The following RAPGEF3 variants were observed in gnomAD, a reference collection of about 807,000 sequenced individuals.
RAPGEF3 encodes Rap guanine nucleotide exchange factor 3.
RAPGEF3 carries 103 observed loss-of-function variants against 129.8 expected under a neutral mutation model. The observed-to-expected ratio is 0.79, with a 90% CI of 0.68 to 0.93. The LOEUF (loss-of-function observed/expected upper bound fraction) is 0.93, where lower values mean the gene tolerates loss of function less well. Among genes scored for constraint, RAPGEF3 ranks in the 40% least tolerant of loss-of-function variants. RAPGEF3 has a pLI of 0.00. For missense variants in RAPGEF3, 1,117 were observed against 1,207.4 expected (o/e 0.93, Z 1.11); for synonymous variants, 436 against 482.6 (o/e 0.90, Z 1.26).
Position 47,751,565 on chromosome 12 carries a change from G to A in RAPGEF3, c.381-45C>T, listed in dbSNP as rs765573049. 2.5e-6 allele frequency: 4 copies of A among 1,612,542 alleles called. No homozygotes were observed. In the East Asian group the frequency reaches 8.9e-5, roughly 36 times the overall value. On this transcript the variant is annotated intron_variant, in intron 4 of 27. Coordinates refer to ENST00000449771, the MANE Select transcript of RAPGEF3 (RefSeq NM_001098531.4). ...ACAGGCCAGTGGAAGGAGGGTGGCA[G>A]GGAGAGGGAGGAACTATGCATTAGA...
chr12:47,748,710 C>T, intron 11 of RAPGEF3, 109 bp downstream of exon 11: 4 of 1,047,120 alleles, frequency 3.8e-6, no homozygotes, highest in Non-Finnish European at 5.9e-6. Context: ...CTCAATACCT[C>T]TCCATCCACA....
intron 2 of RAPGEF3, 59 bp from the exon 3 acceptor site, chr12:47,752,028 A>T: frequency 3.2e-6 from 5 of 1,565,340 alleles, no homozygotes; most frequent in Non-Finnish European, 4.4e-6. Flanking sequence ...CAGCTCTTGG[A>T]TACCTCCCCT....
At chr12:47,740,571 A>G in intron 21 of RAPGEF3, 71 bp downstream of exon 21, 1 of 1,562,424 alleles carries the variant, frequency 6.4e-7, no homozygotes, top group Non-Finnish European at 8.7e-7. Context: ...CATACTAAGC[A>G]AAGAGGGGGG....
rs978242246 is a variant in RAPGEF3 at position 47,743,756 on chromosome 12, ATGG to A, written c.1679-83_1679-81del. The stretch of plus-strand genomic sequence containing the variant: ...GAGGGAGAGGGCGGCTATTGCAGTA[ATGG>A]TGGGAGGGATCCCCAAGAGGCTGAG... On this transcript the variant is annotated intron_variant, in intron 17 of 27. Coordinates refer to ENST00000449771, the MANE Select transcript of RAPGEF3 (RefSeq NM_001098531.4). 5 of 1,541,618 alleles carry A rather than the reference ATGG, an allele frequency of 3.2e-6. No individual in the cohort carries two copies. The Admixed American group carries it at 9.0e-5, about 28-fold the overall frequency.
At position 47,740,178 on chromosome 12, in the gene RAPGEF3, T is replaced by C. The variant is rs779365075; in HGVS notation, c.2336A>G (p.Lys779Arg). 6.2e-7 allele frequency: 1 copy of C among 1,613,486 alleles called. No individual in the cohort carries two copies. Among genetic ancestry groups the C allele is most frequent in the South Asian group, 1.1e-5 (1 of 91,022 alleles). The change falls in exon 23 of 28, where the codon AAA becomes AGA. Residue 779 changes from lysine (K) to arginine (R), a missense_variant. Coordinates refer to ENST00000449771, the MANE Select transcript of RAPGEF3 (RefSeq NM_001098531.4). ...LAHTWERLPH[K>R]VRKLYSALER... is the part of the protein sequence containing the mutation. ...GAGGGCGGAGTACAGCTTCCGGACT[T>C]TGTGAGGCAGCCGCTGTGAAAAGGA...
chr12:47,751,142 T>C lies in RAPGEF3; in HGVS notation c.577A>G (p.Arg193Gly), dbSNP rs2016123. 1 allele frequency: 1,566,206 copies of C among 1,567,224 alleles called. 782,594 individuals carry two copies. The highest frequency in any genetic ancestry group is 1 in the Middle Eastern group (6,010 of 6,010). The change falls in exon 6 of 28, where the codon AGA becomes GGA. Residue 193 changes from arginine to glycine, a missense_variant. Physicochemically the swap from Arg to Gly is moderately radical, Grantham distance 125. Coordinates refer to ENST00000449771, the MANE Select transcript of RAPGEF3 (RefSeq NM_001098531.4). ...AACTCCTCCTCCATCTCATGAGTTC[T>C]CACGGGCTCGGGCTCGGGCCCGGGG... ...RFPGPEPEPV[R>G]THEMEEELAE...
In RAPGEF3 at chr12:47,751,391, G is replaced by A. The variant is rs573115390; in HGVS notation, c.502+8C>T. The A allele has an allele frequency of 2.9e-5, 47 of 1,613,704 alleles. No individual in the cohort carries two copies. In the East Asian group the frequency reaches 4.7e-4, roughly 16 times the overall value. On this transcript the variant is annotated splice_region_variant and intron_variant, in intron 5 of 27. Coordinates refer to ENST00000449771, the MANE Select transcript of RAPGEF3 (RefSeq NM_001098531.4). ...GCCCGGGGCACCCCACCCTGGGCTC[G>A]GGCTCACCATGGCAGAGGGCACCTT... is the stretch of plus-strand genomic sequence containing the variant.
At chr12:47,743,826 A>G (rs1592546655) in intron 17 of RAPGEF3, 150 bp from the exon 18 acceptor site, 4 of 1,360,616 alleles carry the variant, frequency 2.9e-6, no homozygotes, top group East Asian at 2.5e-5. Context: ...GGCAGGTAGG[A>G]GGCAGATCTA....
At chr12:47,741,720 G>A in intron 18 of RAPGEF3, 118 bp from the exon 19 acceptor site, 1 of 833,038 alleles carries the variant, frequency 1.2e-6, no homozygotes. Flanking sequence ...TAGTAGCGGG[G>A]TTGAAGTCCT....
chr12:47,751,472 T>A lies in RAPGEF3; in HGVS notation c.429A>T (p.Gly143=), dbSNP rs1240913253. Residue 143 remains glycine, a synonymous_variant, in exon 5 of 28, where the codon GGA becomes GGT. Transcript: ENST00000449771. ...RELVDGILAL[G]LGVHSRSQVV... is the part of the protein sequence containing the mutation. ...CTTGGCTCCGGGAATGGACCCCAAG[T>A]CCCAGGGCCAAGATCCCATCCACCA... The A allele has an allele frequency of 6.2e-7, 1 of 1,613,854 alleles. No homozygotes were observed. The highest frequency in any genetic ancestry group is 1.3e-5 in the African/African-American group (1 of 74,844).
At chr12:47,746,783 C>A in intron 16 of RAPGEF3, 77 bp downstream of exon 16, 1 of 1,449,088 alleles carries the variant, frequency 6.9e-7, no homozygotes, top group Non-Finnish European at 9.5e-7. Flanking sequence ...CCCACAGAGC[C>A]CCTCAGGGTC....
In RAPGEF3 at chr12:47,758,622, C is replaced by T; in HGVS notation, c.-66G>A. On this transcript the variant is annotated 5_prime_UTR_variant, in exon 1 of 28. Transcript: ENST00000449771. ...AAGGCTGGGGGGTCCCCAGCGACCC[C>T]CATCAGCTTTGATAAGGGGATCCGG... 1.9e-6 allele frequency: 3 copies of T among 1,608,228 alleles called. No homozygotes were observed. Among genetic ancestry groups the T allele is most frequent in the East Asian group, 2.2e-5 (1 of 44,794 alleles).
chr12:47,743,445 T>C (rs1168842550), intron 18 of RAPGEF3, 85 bp downstream of exon 18: 39 of 1,484,552 alleles, frequency 2.6e-5, no homozygotes, highest in Non-Finnish European at 3.3e-5. Flanking sequence ...AAGATGACAA[T>C]GATGACAATG....
chr12:47,753,883 CA>C (rs1241578569), intron 2 of RAPGEF3: 3 of 152,356 alleles, frequency 2.0e-5, no homozygotes, highest in African/African-American at 7.2e-5. Context: ...CCAGGTTGGT[CA>C]TTTCCTGTCC....
At position 47,751,164 on chromosome 12, in the gene RAPGEF3, G is replaced by A. The variant is rs375297238; in HGVS notation, c.555C>T (p.Pro185=). 9.2e-5 allele frequency: 143 copies of A among 1,555,416 alleles called. No homozygotes were observed. Among genetic ancestry groups the A allele is most frequent in the South Asian group, 8.8e-4 (74 of 84,360 alleles). The change falls in exon 6 of 28, where the codon CCC becomes CCT. Residue 185 remains proline (P), a synonymous_variant. Coordinates refer to ENST00000449771, the MANE Select transcript of RAPGEF3 (RefSeq NM_001098531.4). ...TTCTCACGGGCTCGGGCTCGGGCCC[G>A]GGGAACCGGTAGAATTGGGCATCTC... The part of the protein sequence containing the change: ...QDRDAQFYRF[P]GPEPEPVRTH...
In RAPGEF3 at chr12:47,747,696, CCTCA is replaced by C; in HGVS notation, c.1473+12_1473+15del. 1.9e-6 allele frequency: 3 copies of C among 1,611,268 alleles called. No homozygotes were observed. The highest frequency in any genetic ancestry group is 2.5e-6 in the Non-Finnish European group (3 of 1,178,656). On this transcript the variant is annotated intron_variant, in intron 14 of 27. Coordinates refer to ENST00000449771, the MANE Select transcript of RAPGEF3 (RefSeq NM_001098531.4). Reference sequence around the variant, plus strand: ...CCCCGGGCAGCCCAGCCCCGCTGTGCCTCACTCCCAGGTACCTGGAGGAAGCTGG... The same window carrying C: ...CCCCGGGCAGCCCAGCCCCGCTGTGCCTCCCAGGTACCTGGAGGAAGCTGG...
In RAPGEF3 at chr12:47,735,238, CCCCTCCT is replaced by C. The variant is rs1940763397; in HGVS notation, c.*2322_*2328del. 1 of 152,416 alleles carries C rather than the reference CCCCTCCT, an allele frequency of 6.6e-6. No homozygotes were observed. Among genetic ancestry groups the C allele is most frequent in the South Asian group, 2.1e-4 (1 of 4,828 alleles). 9.4% of individuals were successfully genotyped at this position (152,416 alleles called of 1,614,324 possible). ...ACCTTCTTCTCAGCAGTCCCATGAGCCCCTCCTCCCTTTGTGGCCTTCTTGCAGCTGA... is the reference window on the plus strand; with the variant it reads ...ACCTTCTTCTCAGCAGTCCCATGAGCCCCTTTGTGGCCTTCTTGCAGCTGA... On this transcript the variant is annotated 3_prime_UTR_variant, in exon 28 of 28. Transcript: ENST00000449771.
rs1942261517 is a variant in RAPGEF3 at position 47,758,827 on chromosome 12, TTCG to T, written c.-274_-272del. The T allele has an allele frequency of 8.2e-7, 1 of 1,217,092 alleles. No individual in the cohort carries two copies. Among genetic ancestry groups the T allele is most frequent in the South Asian group, 3.4e-5 (1 of 29,592 alleles). The allele number at this position is 1,217,092 out of a possible 1,614,324, so 75.4% of individuals were successfully genotyped here. ...CGACAGGGAGCCCCGAGCCTGCGCC[TTCG>T]TCTCAGACGAAGGAGCCAGCTGGCA... is the stretch of plus-strand genomic sequence containing the variant. On this transcript the variant is annotated 5_prime_UTR_variant, in exon 1 of 28. Coordinates refer to ENST00000449771, the MANE Select transcript of RAPGEF3 (RefSeq NM_001098531.4).
intron 3 of RAPGEF3, 42 bp from the exon 4 acceptor site, chr12:47,751,871 C>T (rs566589952): frequency 1.2e-6 from 2 of 1,614,134 alleles, no homozygotes; most frequent in African/African-American, 1.3e-5. Flanking sequence ...CTCTGAACCC[C>T]TCATGGTGCT....
Sources: allele counts gnomAD v4.1 joint callset, GRCh38; gene constraint gnomAD v4.1.1; transcripts MANE v1.5; gene names NCBI Gene and HGNC (gene_info 2026-07-23, HGNC 2026-07-21).